Variants in PLCB1 observed in about 807,000 individuals in gnomAD.
The protein encoded by PLCB1 is 1-phosphatidylinositol 4,5-bisphosphate phosphodiesterase beta-1.
Under a neutral mutation model 161.8 loss-of-function variants are expected in PLCB1, and 46 were observed. The ratio of observed to expected loss-of-function variants is 0.28; its 90% CI spans 0.22 to 0.36. The LOEUF is 0.36. Among genes scored for constraint, PLCB1 ranks in the 10% least tolerant of loss-of-function variants. PLCB1 has a pLI of 1.00. For synonymous variants in PLCB1, 517 were observed against 503.7 expected, an observed-to-expected ratio of 1.03 and a Z score of -0.35; for missense variants, 1,016 against 1,472.5, an observed-to-expected ratio of 0.69 and a Z score of 5.07.
At chr20:8,430,774 T>C (rs1306920332) in intron 3 of PLCB1, among the ~76,000 whole-genome samples, 1 of 152,040 alleles carries the variant, frequency 6.6e-6, no homozygotes, top group East Asian at 1.9e-4. Flanking sequence ...ATAGGAAACA[T>C]AACAAGACCC....
chr20:8,837,887 C>T (rs1022942085), intron 31 of PLCB1, among the ~76,000 whole-genome samples: 3 of 152,082 alleles, frequency 2.0e-5, no homozygotes, highest in African/African-American at 4.8e-5. Context: ...AGCACTCGAC[C>T]GTCAAAGGCA....
Position 8,862,278 on chromosome 20 carries a change from A to G in PLCB1, c.3424-19344A>G, listed in dbSNP as rs76841142. Among the ~76,000 whole-genome samples the G allele has an allele frequency of 9.8e-5, 15 of 152,348 alleles. No homozygotes were observed. The East Asian group carries it at 2.7e-3, about 27-fold the overall frequency. On this transcript the variant is annotated intron_variant, in intron 31 of 31. Transcript: ENST00000338037. ...TCACTTGAAATGTTATGTAACAAAA[A>G]CACCAGGACCAACTGGCATTTTAGT...
intron 3 of PLCB1, among the ~76,000 whole-genome samples, chr20:8,488,271 C>G (rs1477013514): frequency 2.0e-5 from 3 of 151,478 alleles, no homozygotes; most frequent in Non-Finnish European, 2.9e-5. Flanking sequence ...CACAATTAGT[C>G]AAAAAAGGTA....
intron 3 of PLCB1, among the ~76,000 whole-genome samples, chr20:8,506,104 A>G (rs754378872): frequency 1.2e-4 from 18 of 152,110 alleles, no homozygotes; most frequent in Non-Finnish European, 2.4e-4. Context: ...TTCTTTTATA[A>G]CTTTGTTTAA....
At chr20:8,484,210 A>C (rs1006843265) in intron 3 of PLCB1, among the ~76,000 whole-genome samples, 19 of 151,962 alleles carry the variant, frequency 1.3e-4, no homozygotes, top group Non-Finnish European at 2.6e-4. Flanking sequence ...TTTTTAGTAG[A>C]GACAGGGTTT....
intron 3 of PLCB1, among the ~76,000 whole-genome samples, chr20:8,624,807 G>A (rs530589377): frequency 6.6e-6 from 1 of 152,156 alleles, no homozygotes. Flanking sequence ...TCTTTATTTG[G>A]TAGCACTTAT....
In PLCB1 at chr20:8,757,962, T is replaced by C. The variant is rs146704893; in HGVS notation, c.2656+784T>C. ...AATCTTATGCAGCTTTGTGTAACTATTCCTTGTGTGTATGTCCTGTTTACC... is the reference window on the plus strand; with the variant it reads ...AATCTTATGCAGCTTTGTGTAACTACTCCTTGTGTGTATGTCCTGTTTACC... On this transcript the variant is annotated intron_variant, in intron 24 of 31. Coordinates refer to ENST00000338037, the MANE Select transcript of PLCB1 (RefSeq NM_015192.4). Among the ~76,000 whole-genome samples, 81 of 152,198 alleles carry C rather than the reference T, an allele frequency of 5.3e-4. 1 individual carries two copies. The East Asian group carries it at 0.015, about 29-fold the overall frequency.
At chr20:8,196,993 T>C (rs954808423) in intron 2 of PLCB1, among the ~76,000 whole-genome samples, 2 of 152,164 alleles carry the variant, frequency 1.3e-5, no homozygotes, top group Non-Finnish European at 2.9e-5. Context: ...ACAAAGGACA[T>C]GAACTCATCA....
At chr20:8,465,083 T>C (rs1031050232) in intron 3 of PLCB1, among the ~76,000 whole-genome samples, 2 of 152,184 alleles carry the variant, frequency 1.3e-5, no homozygotes, top group East Asian at 3.8e-4. Flanking sequence ...CCTATATCTA[T>C]TAGAATTATG....
chr20:8,435,776 C>T (rs111425860), intron 3 of PLCB1, among the ~76,000 whole-genome samples: 4 of 152,074 alleles, frequency 2.6e-5, no homozygotes, highest in South Asian at 2.1e-4. Flanking sequence ...TGGGTTTAGA[C>T]GTTAATATCC....
chr20:8,807,626 G>A (rs902219447), intron 31 of PLCB1, among the ~76,000 whole-genome samples: 6 of 151,674 alleles, frequency 4.0e-5, no homozygotes, highest in Non-Finnish European at 7.4e-5. Flanking sequence ...CAGGCACTGG[G>A]CTAGGTGCTG....
At chr20:8,462,086 G>A (rs1329426478) in intron 3 of PLCB1, among the ~76,000 whole-genome samples, 2 of 151,580 alleles carry the variant, frequency 1.3e-5, no homozygotes, top group East Asian at 1.9e-4. Context: ...ATATATAAAC[G>A]TATATATGTA....
intron 1 of PLCB1, among the ~76,000 whole-genome samples, chr20:8,146,434 C>T (rs754548832): frequency 1.3e-5 from 2 of 152,178 alleles, no homozygotes; most frequent in Non-Finnish European, 2.9e-5. Context: ...AGAAAAGCCA[C>T]GTGAAGTTCA....
chr20:8,653,303 G>A (rs73076200), intron 7 of PLCB1: 6 of 152,138 alleles, frequency 3.9e-5, no homozygotes, highest in South Asian at 2.1e-4. Flanking sequence ...TAACTTCTGT[G>A]TGTAACTTAT....
chr20:8,568,461 G>C (rs1183646349), intron 3 of PLCB1, among the ~76,000 whole-genome samples: 1 of 152,094 alleles, frequency 6.6e-6, no homozygotes, highest in Non-Finnish European at 1.5e-5. Flanking sequence ...GCTCCATGAA[G>C]TACCCCACAG....
chr20:8,397,759 C>A (rs1486239737), intron 3 of PLCB1, among the ~76,000 whole-genome samples: 1 of 152,076 alleles, frequency 6.6e-6, no homozygotes, highest in East Asian at 1.9e-4. Flanking sequence ...CTTAATATAA[C>A]GTCAATACCT....
At chr20:8,791,041 T>TA (rs1983733280) in intron 31 of PLCB1, among the ~76,000 whole-genome samples, 1 of 152,126 alleles carries the variant, frequency 6.6e-6, no homozygotes, top group African/African-American at 2.4e-5. Context: ...TCCTAAAAGT[T>TA]AAAAAACGTT....
intron 3 of PLCB1, among the ~76,000 whole-genome samples, chr20:8,486,884 G>T (rs934958935): frequency 9.2e-5 from 14 of 152,296 alleles, no homozygotes; most frequent in African/African-American, 2.6e-4. Flanking sequence ...TATCAAAGAG[G>T]CTTCTAAACA....
chr20:8,623,569 G>A (rs983844460), intron 3 of PLCB1, among the ~76,000 whole-genome samples: 3 of 151,852 alleles, frequency 2.0e-5, no homozygotes, highest in African/African-American at 7.3e-5. Flanking sequence ...CTACCAGCTC[G>A]TTTTTTTCCT....
Sources: gnomAD v4.1 joint callset for allele counts (sites outside exome capture counted in the v4.1 genomes callset) on GRCh38, gnomAD v4.1.1 for gene constraint, MANE v1.5 for transcripts, NCBI Gene and HGNC (gene_info 2026-07-23, HGNC 2026-07-21) for gene names.